Variants in MCMBP observed in about 807,000 individuals in gnomAD.
MCMBP encodes mini-chromosome maintenance complex-binding protein.
A neutral mutation model predicts 81.3 loss-of-function variants in MCMBP; 31 were observed. The observed-to-expected ratio is 0.38, with a 90% CI of 0.29 to 0.51. The LOEUF (loss-of-function observed/expected upper bound fraction) is 0.51. Ranked by LOEUF, MCMBP falls within the 20% of genes least tolerant of loss-of-function variation. MCMBP has a pLI of 0.87. For missense variants in MCMBP, 645 were observed against 772.1 expected, an observed-to-expected ratio of 0.84 and a Z score of 1.95; for synonymous variants, 267 against 275.9, an observed-to-expected ratio of 0.97 and a Z score of 0.32.
chr10:119,856,492 A>G (rs34763556), intron 5 of MCMBP, among the ~76,000 whole-genome samples: 8,148 of 152,316 alleles, frequency 0.053, 418 homozygotes, highest in South Asian at 0.27. Flanking sequence ...CATTCAACAG[A>G]CAAGACCAAG....
intron 10 of MCMBP, 108 bp downstream of exon 10, chr10:119,842,364 T>C: frequency 3.2e-6 from 4 of 1,260,986 alleles, no homozygotes; most frequent in Admixed American, 2.3e-5. Context: ...AAAAACCATG[T>C]GATGAAGCCC....
chr10:119,831,908 A>G, intron 15 of MCMBP, 104 bp downstream of exon 15: 1 of 1,153,966 alleles, frequency 8.7e-7, no homozygotes, highest in Non-Finnish European at 1.2e-6. Flanking sequence ...TAAAAGGAAA[A>G]GTTCATTTCC....
At chr10:119,857,484 A>C (rs756520638) in intron 4 of MCMBP, 45 bp from the exon 5 acceptor site, 1 of 1,353,446 alleles carries the variant, frequency 7.4e-7, no homozygotes, top group Non-Finnish European at 1.0e-6. Flanking sequence ...ACTTTAAAAA[A>C]CCCAAAATTT....
intron 2 of MCMBP, among the ~76,000 whole-genome samples, chr10:119,859,554 T>C (rs992748415): frequency 6.6e-6 from 1 of 152,102 alleles, no homozygotes; most frequent in Non-Finnish European, 1.5e-5. Flanking sequence ...ACTGACACTC[T>C]TGCAACTAAA....
At chr10:119,868,440 AG>A (rs1024116839) in intron 1 of MCMBP, among the ~76,000 whole-genome samples, 1 of 152,230 alleles carries the variant, frequency 6.6e-6, no homozygotes, top group African/African-American at 2.4e-5. Context: ...AAAAAAGAAA[AG>A]AAAAATTTTG....
Position 119,866,799 on chromosome 10 carries a change from C to T in MCMBP, c.58+5728G>A, listed in dbSNP as rs559634907. 2.2e-4 allele frequency among the ~76,000 whole-genome samples: 33 copies of T among 152,060 alleles called. No individual in the cohort carries two copies. In the South Asian group the frequency reaches 6.0e-3, roughly 28 times the overall value. Reference sequence around the variant, plus strand: ...GCAACATAGTGAAACACCATCTCTACGAAAATACAAAAAGTTAGCTGGGTG... The same window carrying T: ...GCAACATAGTGAAACACCATCTCTATGAAAATACAAAAAGTTAGCTGGGTG... On this transcript the variant is annotated intron_variant, in intron 1 of 15. Coordinates refer to ENST00000369077, the MANE Select transcript of MCMBP (RefSeq NM_001256378.2).
rs1214711782 is a variant in MCMBP, at chr10:119,831,569, G to T, written c.1828C>A (p.Leu610Met). The T allele has an allele frequency of 6.2e-6, 10 of 1,613,858 alleles. No individual in the cohort carries two copies. Among genetic ancestry groups the T allele is most frequent in the Non-Finnish European group, 8.5e-6 (10 of 1,179,930 alleles). The change falls in exon 16 of 16, where the codon CTG (leucine) becomes ATG (methionine). Residue 610 changes from leucine (L) to methionine (M), a missense_variant. Transcript: ENST00000369077. ...GCTCTCAGCCATCGTTCTCTTGACA[G>T]CGTTGTCTGACCAGCACTGAGAGAC... ...CLSLSAGQTT[L>M]SRERWLRAKQ... is the part of the protein sequence containing the mutation.
chr10:119,853,034 T>C lies in MCMBP; in HGVS notation c.574+16A>G, dbSNP rs1852886472. The C allele has an allele frequency of 6.2e-7, 1 of 1,613,528 alleles. No individual in the cohort carries two copies. Among genetic ancestry groups the C allele is most frequent in the South Asian group, 1.1e-5 (1 of 91,046 alleles). On this transcript the variant is annotated intron_variant, in intron 6 of 15. Coordinates refer to ENST00000369077, the MANE Select transcript of MCMBP (RefSeq NM_001256378.2). The stretch of plus-strand genomic sequence containing the variant: ...AAGAGAGCAAAGTCTAGAGAAAACC[T>C]GTTGGCACACACTACCTGCTTGTCT...
intron 15 of MCMBP, 75 bp downstream of exon 15, chr10:119,831,937 C>T (rs1237735287): frequency 1.5e-6 from 2 of 1,358,322 alleles, no homozygotes; most frequent in Non-Finnish European, 1.0e-6. Context: ...AATTCTGCCT[C>T]AGTTACTGCT....
chr10:119,840,268 A>G (rs1192315781), intron 11 of MCMBP, among the ~76,000 whole-genome samples: 1 of 152,186 alleles, frequency 6.6e-6, no homozygotes, highest in Non-Finnish European at 1.5e-5. Flanking sequence ...TAGCACTGAG[A>G]CACTGAATAC....
chr10:119,842,683 C>G, intron 9 of MCMBP, 88 bp from the exon 10 acceptor site: 1 of 1,431,246 alleles, frequency 7.0e-7, no homozygotes, highest in Non-Finnish European at 9.4e-7. Context: ...GTGAGCAAAG[C>G]ACAATTCAGT....
chr10:119,856,861 T>C (rs1206127150), intron 5 of MCMBP, among the ~76,000 whole-genome samples: 1 of 152,068 alleles, frequency 6.6e-6, no homozygotes, highest in East Asian at 1.9e-4. Context: ...TGCACTCTGG[T>C]AGGCTGAGGT....
At chr10:119,846,400 G>A (rs139328067) in intron 8 of MCMBP, among the ~76,000 whole-genome samples, 6 of 152,250 alleles carry the variant, frequency 3.9e-5, no homozygotes, top group South Asian at 2.1e-4. Context: ...AATGTACTGC[G>A]TTAGAAAATT....
chr10:119,850,705 C>T (rs1174395846), intron 6 of MCMBP, among the ~76,000 whole-genome samples: 2 of 140,162 alleles, frequency 1.4e-5, no homozygotes, highest in African/African-American at 5.4e-5. Flanking sequence ...GCAGAGATTG[C>T]ACCACTGCAC....
At chr10:119,836,774 T>G (rs1450001488) in intron 13 of MCMBP, 122 bp downstream of exon 13, 29 of 151,848 alleles carry the variant, frequency 1.9e-4, no homozygotes, top group African/African-American at 7.2e-4. Context: ...TTTTTTTTTT[T>G]TTTTTTTTTT....
At chr10:119,842,768 T>C (rs1339230070) in intron 9 of MCMBP, 173 bp from the exon 10 acceptor site, 2 of 129,082 alleles carry the variant, frequency 1.5e-5, no homozygotes, top group African/African-American at 3.0e-5. Flanking sequence ...TGCATCCTCC[T>C]TTTTTTTTTT....
Position 119,843,348 on chromosome 10 carries a change from T to C in MCMBP, c.906A>G (p.Ser302=). Residue 302 remains serine, a synonymous_variant, in exon 9 of 16, where the codon TCA becomes TCG. Coordinates refer to ENST00000369077, the MANE Select transcript of MCMBP (RefSeq NM_001256378.2). ...AGATCACATGAATTCTCGGCACTAA[T>C]GAAGCAGGAGGACTGTGTACTCTCT... The part of the protein sequence containing the change: ...EEQRVHSPPA[S]LVPRIHVILA... 2 of 1,614,142 alleles carry C rather than the reference T, an allele frequency of 1.2e-6. No homozygotes were observed. The highest frequency in any genetic ancestry group is 2.2e-5 in the East Asian group (1 of 44,886).
chr10:119,840,740 T>G (rs1852403089), intron 11 of MCMBP, 103 bp downstream of exon 11: 1 of 606,098 alleles, frequency 1.6e-6, no homozygotes, highest in Non-Finnish European at 2.7e-6. Context: ...TTAAATAAGA[T>G]CTATTAAAAT....
intron 10 of MCMBP, 89 bp from the exon 11 acceptor site, chr10:119,841,049 T>A: frequency 1.3e-6 from 1 of 790,828 alleles, no homozygotes; most frequent in Non-Finnish European, 2.1e-6. Flanking sequence ...TAGCTTAATA[T>A]TGTCATTAAA....
Sources: gnomAD v4.1 joint callset for allele counts (sites outside exome capture counted in the v4.1 genomes callset) on GRCh38, gnomAD v4.1.1 for gene constraint, MANE v1.5 for transcripts, NCBI Gene and HGNC (gene_info 2026-07-23, HGNC 2026-07-21) for gene names.